RAB18: variants seen among roughly 807,000 people sequenced by gnomAD.
RAB18 encodes ras-related protein Rab-18.
In RAB18, 10 loss-of-function variants were observed where a neutral mutation model predicts 28.5. That is an observed-to-expected ratio of 0.35 (90% CI 0.22 to 0.60). The LOEUF (loss-of-function observed/expected upper bound fraction) is 0.60. Ranked by LOEUF, RAB18 falls within the 20% of genes least tolerant of loss-of-function variation. The pLI, the probability that RAB18 is intolerant of heterozygous loss-of-function variation, is 0.78. For synonymous variants in RAB18, 93 were observed against 86.9 expected, an observed-to-expected ratio of 1.07 and a Z score of -0.39; for missense variants, 188 against 244.2, an observed-to-expected ratio of 0.77 and a Z score of 1.53.
Position 27,509,878 on chromosome 10 carries a change from G to A in RAB18, c.72G>A (p.Leu24=). Residue 24 remains leucine (L), a synonymous_variant, in exon 2 of 7, where the codon CTG becomes CTA. Coordinates refer to ENST00000356940, the MANE Select transcript of RAB18 (RefSeq NM_021252.5). ...IGESGVGKSS[L]LLRFTDDTFD... ...GTCTTTTTAATATCTCTTTCAGCCT[G>A]CTCTTGAGGTTCACAGATGATACGT... is the stretch of plus-strand genomic sequence containing the variant. 1 of 1,612,010 alleles carries A rather than the reference G, an allele frequency of 6.2e-7. No individual in the cohort carries two copies. The highest frequency in any genetic ancestry group is 2.2e-5 in the East Asian group (1 of 44,850).
At chr10:27,533,631 C>A in intron 4 of RAB18, 104 bp from the exon 5 acceptor site, 1 of 1,348,260 alleles carries the variant, frequency 7.4e-7, no homozygotes, top group Non-Finnish European at 1.0e-6. Context: ...AAAAAAAAGA[C>A]TTGTCTATAT....
At chr10:27,536,114 T>A (rs1438949685) in intron 6 of RAB18, among the ~76,000 whole-genome samples, 5 of 151,190 alleles carry the variant, frequency 3.3e-5, no homozygotes, top group Admixed American at 6.6e-5. Flanking sequence ...CAGAGATAAC[T>A]CCATGTTTTA....
chr10:27,537,865 T>C lies in RAB18; in HGVS notation c.446-11T>C. On this transcript the variant is annotated splice_polypyrimidine_tract_variant and intron_variant, in intron 6 of 6. Coordinates refer to ENST00000356940, the MANE Select transcript of RAB18 (RefSeq NM_021252.5). Reference sequence around the variant, plus strand: ...AATATACTATGAATGACCTTTTTCCTTGAATTTCAGAGGCAAGTGCAAAAA... The same window carrying C: ...AATATACTATGAATGACCTTTTTCCCTGAATTTCAGAGGCAAGTGCAAAAA... 1 of 1,612,638 alleles carries C rather than the reference T, an allele frequency of 6.2e-7. No individual in the cohort carries two copies. Among genetic ancestry groups the C allele is most frequent in the East Asian group, 2.2e-5 (1 of 44,872 alleles).
chr10:27,511,215 T>C (rs531703406), intron 2 of RAB18, among the ~76,000 whole-genome samples: 1 of 152,290 alleles, frequency 6.6e-6, no homozygotes, highest in African/African-American at 2.4e-5. Context: ...TGAATTAATT[T>C]ATTTTCGAGA....
intron 2 of RAB18, 180 bp downstream of exon 2, chr10:27,510,110 T>G: frequency 1.6e-6 from 1 of 619,868 alleles, no homozygotes; most frequent in Non-Finnish European, 2.9e-6. Context: ...TTCTAGATCT[T>G]ACCAAGAGAA....
chr10:27,533,920 T>C lies in RAB18; in HGVS notation c.379-8T>C. ...TAGCCTTTCTTAATCATTGCATTTA[T>C]ATTTTAGGAAAATCGTGAAGTCGAT... On this transcript the variant is annotated splice_polypyrimidine_tract_variant and splice_region_variant and intron_variant, in intron 5 of 6. Transcript: ENST00000356940. 1.2e-6 allele frequency: 2 copies of C among 1,610,348 alleles called. No homozygotes were observed. The highest frequency in any genetic ancestry group is 1.7e-6 in the Non-Finnish European group (2 of 1,176,650).
At chr10:27,530,251 A>C (rs1834759533) in intron 3 of RAB18, among the ~76,000 whole-genome samples, 1 of 152,026 alleles carries the variant, frequency 6.6e-6, no homozygotes, top group South Asian at 2.1e-4. Context: ...GCCTCAAACT[A>C]TTTGTTATGA....
intron 1 of RAB18, among the ~76,000 whole-genome samples, chr10:27,509,006 T>A (rs1834269408): frequency 6.6e-6 from 1 of 152,184 alleles, no homozygotes; most frequent in Non-Finnish European, 1.5e-5. Flanking sequence ...TTTGAAGAGT[T>A]TCTAATAACT....
intron 6 of RAB18, among the ~76,000 whole-genome samples, chr10:27,535,148 T>G (rs1421229299): frequency 2.0e-5 from 3 of 152,184 alleles, no homozygotes; most frequent in African/African-American, 7.2e-5. Flanking sequence ...ATCCCTCAGG[T>G]GAGGATCTAG....
intron 1 of RAB18, among the ~76,000 whole-genome samples, chr10:27,505,801 G>A (rs1390737153): frequency 1.3e-5 from 2 of 152,038 alleles, no homozygotes; most frequent in Non-Finnish European, 2.9e-5. Flanking sequence ...CTCGTGACCC[G>A]CCCACCTCGG....
intron 1 of RAB18, among the ~76,000 whole-genome samples, chr10:27,505,583 C>T (rs1348365248): frequency 6.6e-6 from 1 of 152,120 alleles, no homozygotes; most frequent in Non-Finnish European, 1.5e-5. Context: ...TTTTTTGAGA[C>T]GGAGTCTCGC....
At position 27,513,158 on chromosome 10, in the gene RAB18, CCAAGAAG is replaced by C. The variant is rs1418251656; in HGVS notation, c.124+3230_124+3236del. On this transcript the variant is annotated intron_variant, in intron 2 of 6. Coordinates refer to ENST00000356940, the MANE Select transcript of RAB18 (RefSeq NM_021252.5). ...CAAGTGATTCTTCTGCCTCAGCCTC[CCAAGAAG>C]CTGGGATTGCAGGTGTGTGCCACCA... Among the ~76,000 whole-genome samples, 7 of 151,832 alleles carry C rather than the reference CCAAGAAG, an allele frequency of 4.6e-5. No individual in the cohort carries two copies. In the East Asian group the frequency reaches 1.4e-3, roughly 29 times the overall value.
intron 2 of RAB18, among the ~76,000 whole-genome samples, chr10:27,513,026 ATATATATT>A (rs1834355071): frequency 7.2e-6 from 1 of 139,698 alleles, no homozygotes; most frequent in Admixed American, 7.1e-5. Context: ...ATATATATAT[ATATATATT>A]TTTTTTTTTT....
At chr10:27,522,703 A>G (rs1268152760) in intron 2 of RAB18, among the ~76,000 whole-genome samples, 2 of 151,962 alleles carry the variant, frequency 1.3e-5, no homozygotes, top group African/African-American at 2.4e-5. Flanking sequence ...TATATTCTAT[A>G]TATATTTTCT....
intron 2 of RAB18, among the ~76,000 whole-genome samples, chr10:27,521,387 A>G (rs1834549678): frequency 6.6e-6 from 1 of 152,202 alleles, no homozygotes; most frequent in South Asian, 2.1e-4. Context: ...TCCTGTGAAA[A>G]AGACACTTTC....
chr10:27,538,077 T>C lies in RAB18; in HGVS notation c.*26T>C. 2 of 1,613,704 alleles carry C rather than the reference T, an allele frequency of 1.2e-6. No homozygotes were observed. The highest frequency in any genetic ancestry group is 1.7e-6 in the Non-Finnish European group (2 of 1,179,586). On this transcript the variant is annotated 3_prime_UTR_variant, in exon 7 of 7. Transcript: ENST00000356940. ...ACTCTGGGAAATTCCATCTCTTGCA[T>C]ATTTGATCAGATAGTGACATCTTTC...
intron 2 of RAB18, among the ~76,000 whole-genome samples, chr10:27,516,564 A>C (rs556790926): frequency 2.5e-3 from 338 of 133,254 alleles, no homozygotes; most frequent in Non-Finnish European, 3.3e-3. Flanking sequence ...TCTCAAAAAG[A>C]AAAAAAAAAA....
intron 2 of RAB18, 91 bp downstream of exon 2, chr10:27,510,021 AC>A (rs1190895215): frequency 1.2e-5 from 11 of 934,796 alleles, no homozygotes; most frequent in Non-Finnish European, 1.7e-5. Context: ...TCCTCTCACC[AC>A]CCCACTGCCT....
chr10:27,521,952 G>A (rs1023882245), intron 2 of RAB18, among the ~76,000 whole-genome samples: 2 of 151,942 alleles, frequency 1.3e-5, no homozygotes, highest in African/African-American at 2.4e-5. Context: ...TGGAAGCTCC[G>A]TGTTTGGGAC....
Sources: allele counts gnomAD v4.1 joint callset (sites outside exome capture counted in the v4.1 genomes callset), GRCh38; gene constraint gnomAD v4.1.1; transcripts MANE v1.5; gene names NCBI Gene and HGNC (gene_info 2026-07-23, HGNC 2026-07-21).